Variants in SHTN1 observed in about 807,000 individuals in gnomAD.
SHTN1 encodes the protein shootin-1.
A neutral mutation model predicts 83.1 loss-of-function variants in SHTN1; 42 were observed. The ratio of observed to expected loss-of-function variants is 0.51; its 90% CI spans 0.39 to 0.65. The LOEUF (loss-of-function observed/expected upper bound fraction) is 0.65, where lower values mean the gene tolerates loss of function less well. Among genes scored for constraint, SHTN1 ranks in the 30% least tolerant of loss-of-function variants. The pLI, the probability that SHTN1 is intolerant of heterozygous loss-of-function variation, is 0.00. For missense variants in SHTN1, 622 were observed against 737.8 expected (o/e 0.84, Z 1.82); for synonymous variants, 224 against 247.7 (o/e 0.90, Z 0.90).
At chr10:117,040,645 C>T (rs1852570259) in intron 2 of SHTN1, among the ~76,000 whole-genome samples, 2 of 152,146 alleles carry the variant, frequency 1.3e-5, no homozygotes, top group African/African-American at 2.4e-5. Flanking sequence ...AAAACAGACT[C>T]ATTTTTTAAT....
intron 16 of SHTN1, among the ~76,000 whole-genome samples, chr10:116,894,614 T>C (rs887681057): frequency 1.5e-4 from 23 of 152,322 alleles, no homozygotes; most frequent in African/African-American, 4.8e-4. Flanking sequence ...AACCACACTG[T>C]TGAAATGGAA....
In SHTN1 at chr10:116,886,237, A is replaced by C; in HGVS notation, c.*107T>G. On this transcript the variant is annotated 3_prime_UTR_variant, in exon 17 of 17. Coordinates refer to ENST00000355371, the MANE Select transcript of SHTN1 (RefSeq NM_001127211.3). ...ACACCAGAAAAGAACCTGTATTCTG[A>C]ATACAGTGACCAGAGCAGAATGTCT... The C allele has an allele frequency of 2.1e-6, 3 of 1,452,222 alleles. No individual in the cohort carries two copies. Among genetic ancestry groups the C allele is most frequent in the Non-Finnish European group, 2.8e-6 (3 of 1,077,458 alleles). 90.0% of individuals were successfully genotyped at this position (1,452,222 alleles called of 1,614,324 possible).
At chr10:116,939,070 A>G (rs930218615) in intron 9 of SHTN1, among the ~76,000 whole-genome samples, 2 of 152,116 alleles carry the variant, frequency 1.3e-5, no homozygotes, top group Admixed American at 6.5e-5. Flanking sequence ...GGCAGCGACA[A>G]TTTCAAGCCA....
rs920831153 is a variant in SHTN1 at position 117,081,728 on chromosome 10, A to C, written c.-188-33218T>G. Among the ~76,000 whole-genome samples the C allele has an allele frequency of 1.3e-4, 19 of 148,738 alleles. 1 individual carries two copies. The South Asian group carries it at 3.9e-3, about 30-fold the overall frequency. On this transcript the variant is annotated intron_variant, in intron 1 of 17. Transcript: ENST00000392901. ...CAATTTCAGATCCTGTTATTGGTCT[A>C]TTCAGAGATTCAACTTCTTCCTGGT...
At chr10:117,008,612 T>C (rs1029135944), upstream of SHTN1, among the ~76,000 whole-genome samples, 4 of 152,170 alleles carry the variant, frequency 2.6e-5, no homozygotes, top group Admixed American at 2.6e-4. Flanking sequence ...TATTGTATGA[T>C]TGCACTTGTA....
intron 2 of SHTN1, among the ~76,000 whole-genome samples, chr10:117,033,639 C>G (rs1852453017): frequency 6.6e-6 from 1 of 151,914 alleles, no homozygotes. Flanking sequence ...CAAAGGACTC[C>G]AGAAAATAGA....
chr10:116,958,092 C>T (rs1383821212), intron 4 of SHTN1, among the ~76,000 whole-genome samples: 1 of 152,058 alleles, frequency 6.6e-6, no homozygotes, highest in African/African-American at 2.4e-5. Flanking sequence ...CGAGGTCAAG[C>T]TGCATCATCA....
At chr10:116,897,162 C>T (rs183523993) in intron 16 of SHTN1, among the ~76,000 whole-genome samples, 54 of 152,172 alleles carry the variant, frequency 3.5e-4, no homozygotes, top group Non-Finnish European at 7.2e-4. Flanking sequence ...GCATTTGGGG[C>T]AACAGTGAAG....
At chr10:117,085,959 AGACCAGG>A (rs1853345166) in intron 1 of SHTN1, among the ~76,000 whole-genome samples, 1 of 118,164 alleles carries the variant, frequency 8.5e-6, no homozygotes, top group South Asian at 2.7e-4. Flanking sequence ...CTCGCTCTGT[AGACCAGG>A]CTGGAGTGCA....
chr10:117,090,874 G>A (rs1853422405), intron 1 of SHTN1, among the ~76,000 whole-genome samples: 1 of 151,974 alleles, frequency 6.6e-6, no homozygotes, highest in South Asian at 2.1e-4. Flanking sequence ...TAGAGAAGGG[G>A]AAGAAGAATA....
chr10:117,082,748 A>G (rs1853289564), intron 1 of SHTN1, among the ~76,000 whole-genome samples: 1 of 151,342 alleles, frequency 6.6e-6, no homozygotes, highest in East Asian at 2.0e-4. Context: ...TATTTAGGAT[A>G]GTTAGCTCTT....
At chr10:116,945,970 C>T (rs1849559360) in intron 7 of SHTN1, among the ~76,000 whole-genome samples, 1 of 151,932 alleles carries the variant, frequency 6.6e-6, no homozygotes, top group South Asian at 2.1e-4. Flanking sequence ...CAGAAGGTTA[C>T]AGGAAAAATG....
intron 1 of SHTN1, among the ~76,000 whole-genome samples, chr10:116,986,397 C>T (rs1480122611): frequency 6.6e-6 from 1 of 152,140 alleles, no homozygotes; most frequent in Non-Finnish European, 1.5e-5. Context: ...TACCTGGTAA[C>T]TGGTACTGGG....
At chr10:116,908,828 A>C (rs1201079853) in intron 14 of SHTN1, among the ~76,000 whole-genome samples, 2 of 152,182 alleles carry the variant, frequency 1.3e-5, no homozygotes, top group Admixed American at 6.5e-5. Context: ...ATCATACCTG[A>C]TTACTGAAGG....
chr10:116,920,203 G>C (rs1848508757), intron 12 of SHTN1, among the ~76,000 whole-genome samples: 1 of 152,108 alleles, frequency 6.6e-6, no homozygotes, highest in Non-Finnish European at 1.5e-5. Flanking sequence ...GAAGAGTCTG[G>C]AACACACCAG....
intron 1 of SHTN1, among the ~76,000 whole-genome samples, chr10:116,994,717 T>G (rs1366228132): frequency 6.6e-6 from 1 of 152,122 alleles, no homozygotes; most frequent in Non-Finnish European, 1.5e-5. Flanking sequence ...TCAGAATGAC[T>G]ATTATTTCAC....
chr10:116,945,013 T>C lies in SHTN1; in HGVS notation c.622A>G (p.Met208Val), dbSNP rs776802791. The C allele has an allele frequency of 1.3e-6, 2 of 1,587,074 alleles. No individual in the cohort carries two copies. Among genetic ancestry groups the C allele is most frequent in the Non-Finnish European group, 1.7e-6 (2 of 1,157,398 alleles). Residue 208 changes from methionine to valine, a missense_variant, in exon 8 of 17, where the codon ATG becomes GTG. Met to Val is a conservative substitution (Grantham distance 21). Around this residue, in one of 3 missense-constraint regions of SHTN1, gnomAD observed 383 missense variants for 455.8 expected, o/e 0.84. Transcript: ENST00000355371. ...KVLEKCNRVS[M>V]LAVEEYEEMQ... ...TCCTCATACTCTTCTACAGCTAACA[T>C]GGACACTTAAGAAGATAAAGGAAAA...
intron 2 of SHTN1, among the ~76,000 whole-genome samples, chr10:117,018,334 C>G (rs12254070): frequency 6.6e-6 from 1 of 152,136 alleles, no homozygotes; most frequent in South Asian, 2.1e-4. Context: ...TACACATCAA[C>G]TGGCATCTAC....
chr10:117,059,779 AT>A (rs1270404815), intron 1 of SHTN1, among the ~76,000 whole-genome samples: 2 of 152,216 alleles, frequency 1.3e-5, no homozygotes, highest in Admixed American at 1.3e-4. Flanking sequence ...ATCAATGTCA[AT>A]ATCCTCGTTG....
Sources: allele counts gnomAD v4.1 joint callset (sites outside exome capture counted in the v4.1 genomes callset), GRCh38; gene constraint gnomAD v4.1.1; regional missense constraint gnomAD v4.1.1; transcripts MANE v1.5; gene names NCBI Gene and HGNC (gene_info 2026-07-23, HGNC 2026-07-21).